PLAGL1: variants seen among roughly 807,000 people sequenced by gnomAD.
PLAGL1 encodes the protein PLAG1 like zinc finger 1.
A neutral mutation model predicts 4.6 loss-of-function variants in PLAGL1; 1 was observed. That is an observed-to-expected ratio of 0.22 (90% CI 0.08 to 1.03). The LOEUF is 1.03. Among genes scored for constraint, PLAGL1 ranks in the 50% least tolerant of loss-of-function variants. The probability of loss-of-function intolerance (pLI) is 0.58; values close to 1 mark genes in which losing one functional copy is unlikely to be tolerated. For missense variants in PLAGL1, 464 were observed against 570.4 expected, an observed-to-expected ratio of 0.81 and a Z score of 1.90; for synonymous variants, 240 against 237.8, an observed-to-expected ratio of 1.01 and a Z score of -0.08.
Position 143,966,642 on chromosome 6 carries a change from G to C in PLAGL1, c.-471-444C>G, listed in dbSNP as rs11968154. 6.6e-6 allele frequency: 1 copy of C among 152,090 alleles called. No homozygotes were observed. The highest frequency in any genetic ancestry group is 2.4e-5 in the African/African-American group (1 of 41,390). 9.4% of individuals were successfully genotyped at this position (152,090 alleles called of 1,614,324 possible). ...CTAATTCCTACTGCTGGAACAAAAAGGGAAAAATTACCTTGGTAAATGCCA... is the reference window on the plus strand; with the variant it reads ...CTAATTCCTACTGCTGGAACAAAAACGGAAAAATTACCTTGGTAAATGCCA... On this transcript the variant is annotated intron_variant, in intron 3 of 7. Transcript: ENST00000674357. This position sits in a 1 kb window ranked among gnomAD's most constrained non-coding sequence, Gnocchi z 6.0.
At chr6:143,974,821 T>G (rs988220185) in intron 2 of PLAGL1, among the ~76,000 whole-genome samples, 7 of 152,340 alleles carry the variant, frequency 4.6e-5, no homozygotes, top group African/African-American at 1.7e-4. Flanking sequence ...ATGATCACCC[T>G]GTAACTCAGT....
chr6:143,986,010 A>ATATATATATATATATATC (rs1789063610), intron 1 of PLAGL1, among the ~76,000 whole-genome samples: 1 of 133,466 alleles, frequency 7.5e-6, no homozygotes, highest in Non-Finnish European at 1.6e-5. Flanking sequence ...ATATATATAT[A>ATATATATATATATATATC]TCATTTAATC....
rs369728104 is a variant in PLAGL1, at chr6:143,978,614, T to C, written c.-544+6521A>G. On this transcript the variant is annotated intron_variant, in intron 2 of 7. Coordinates refer to ENST00000674357, the MANE Select transcript of PLAGL1 (RefSeq NM_001317162.2). This position sits in a 1 kb window ranked among gnomAD's most constrained non-coding sequence, Gnocchi z 4.6. The stretch of plus-strand genomic sequence containing the variant: ...CCCTGGGTTATTTGGAAGTGTGATG[T>C]TCAGTTACAAGATATTTTTCCAGAT... 4.6e-5 allele frequency among the ~76,000 whole-genome samples: 7 copies of C among 152,324 alleles called. No homozygotes were observed. In the East Asian group the frequency reaches 1.3e-3, roughly 29 times the overall value.
Position 143,979,966 on chromosome 6 carries a change from C to A in PLAGL1, c.-544+5169G>T, listed in dbSNP as rs1273758666. Among the ~76,000 whole-genome samples, 2 of 151,984 alleles carry A rather than the reference C, an allele frequency of 1.3e-5. No homozygotes were observed. The highest frequency in any genetic ancestry group is 4.8e-5 in the African/African-American group (2 of 41,398). ...CAAAGAAAGTGCTTGCATGTTTCAC[C>A]TTTTTTGAAAGATATTGTCACAACT... On this transcript the variant is annotated intron_variant, in intron 2 of 7. Coordinates refer to ENST00000674357, the MANE Select transcript of PLAGL1 (RefSeq NM_001317162.2). This position sits in a 1 kb window ranked among gnomAD's most constrained non-coding sequence, Gnocchi z 4.6.
chr6:144,027,261 A>T lies in PLAGL1; in HGVS notation c.-151+37207T>A, dbSNP rs1310117149. Among the ~76,000 whole-genome samples, 2 of 145,844 alleles carry T rather than the reference A, an allele frequency of 1.4e-5. No individual in the cohort carries two copies. Among genetic ancestry groups the T allele is most frequent in the African/African-American group, 5.1e-5 (2 of 39,524 alleles). On this transcript the variant is annotated intron_variant, in intron 1 of 3. Coordinates refer to the PLAGL1 transcript ENST00000437412. The surrounding 1 kb of genome is among the most constrained non-coding windows in gnomAD (Gnocchi z 5.8). ...AAAGAAAGAAAGAAAGAAAGAAAGA[A>T]AGAAAGAAAGAAAGAAAGAAAGAAA... is the stretch of plus-strand genomic sequence containing the variant.
rs956984699 is a variant in PLAGL1, at chr6:143,973,475, G to A, written c.-543-4497C>T. ...ATCCAAGGTCAGAGGGAGAAAACAAGCACGGGGGGAAGTCCTCTGCTTCTA... is the reference window on the plus strand; with the variant it reads ...ATCCAAGGTCAGAGGGAGAAAACAAACACGGGGGGAAGTCCTCTGCTTCTA... On this transcript the variant is annotated intron_variant, in intron 2 of 7. Transcript: ENST00000674357. The surrounding 1 kb of genome is among the most constrained non-coding windows in gnomAD (Gnocchi z 6.2). Among the ~76,000 whole-genome samples, 4 of 152,132 alleles carry A rather than the reference G, an allele frequency of 2.6e-5. No homozygotes were observed. The highest frequency in any genetic ancestry group is 1.3e-4 in the Admixed American group (2 of 15,274).
At chr6:144,010,987 C>G (rs1285899701), upstream of PLAGL1, among the ~76,000 whole-genome samples, 1 of 152,074 alleles carries the variant, frequency 6.6e-6, no homozygotes, top group African/African-American at 2.4e-5. This position sits in a 1 kb window ranked among gnomAD's most constrained non-coding sequence, Gnocchi z 4.1. Context: ...AACATCAGAC[C>G]TAAAACCATA....
At chr6:144,008,823 T>G (rs1365079423), upstream of PLAGL1, 1 of 152,222 alleles carries the variant, frequency 6.6e-6, no homozygotes, top group Non-Finnish European at 1.5e-5. This position sits in a 1 kb window ranked among gnomAD's most constrained non-coding sequence, Gnocchi z 6.9. Flanking sequence ...TGCAGGTAAA[T>G]ACGTGTAATC....
At position 143,947,375 on chromosome 6, in the gene PLAGL1, C is replaced by T. The variant is rs1442879137; in HGVS notation, c.152+610G>A. 6.6e-6 allele frequency among the ~76,000 whole-genome samples: 1 copy of T among 152,222 alleles called. No individual in the cohort carries two copies. Among genetic ancestry groups the T allele is most frequent in the Non-Finnish European group, 1.5e-5 (1 of 68,040 alleles). ...CACTTCTTCAAATTATTATCTGAGT[C>T]CTCTTTCTAGGATACTAAACGAATC... On this transcript the variant is annotated intron_variant, in intron 7 of 7. Transcript: ENST00000674357. This position sits in a 1 kb window ranked among gnomAD's most constrained non-coding sequence, Gnocchi z 4.3.
Position 144,016,562 on chromosome 6 carries a change from A to C in PLAGL1, c.-150-47584T>G, listed in dbSNP as rs1388722176. 2.0e-5 allele frequency among the ~76,000 whole-genome samples: 3 copies of C among 152,202 alleles called. No individual in the cohort carries two copies. The highest frequency in any genetic ancestry group is 7.2e-5 in the African/African-American group (3 of 41,444). ...GGTCCCATTCATAGGAAATTTTAGA[A>C]ACACAAAATTATAGTCTTTCTAAAG... On this transcript the variant is annotated intron_variant, in intron 1 of 3. Transcript: ENST00000437412. This position sits in a 1 kb window ranked among gnomAD's most constrained non-coding sequence, Gnocchi z 4.2.
At position 143,978,737 on chromosome 6, in the gene PLAGL1, C is replaced by G. The variant is rs192769357; in HGVS notation, c.-544+6398G>C. Among the ~76,000 whole-genome samples the G allele has an allele frequency of 6.6e-6, 1 of 152,276 alleles. No homozygotes were observed. Among genetic ancestry groups the G allele is most frequent in the Admixed American group, 6.5e-5 (1 of 15,296 alleles). On this transcript the variant is annotated intron_variant, in intron 2 of 7. Coordinates refer to ENST00000674357, the MANE Select transcript of PLAGL1 (RefSeq NM_001317162.2). This position sits in a 1 kb window ranked among gnomAD's most constrained non-coding sequence, Gnocchi z 4.6. ...CTTATTTTCCCACCCAGAATATGGT[C>G]TATCTTGAAAAATGTTCTGGCTATG...
At chr6:144,024,850 A>G (rs939204425) in intron 1 of PLAGL1, among the ~76,000 whole-genome samples, 5 of 152,242 alleles carry the variant, frequency 3.3e-5, no homozygotes, top group Non-Finnish European at 7.3e-5. Flanking sequence ...ATAAATATCC[A>G]TGTATATCAG....
In PLAGL1 at chr6:143,968,158, T is replaced by C. The variant is rs1179099031; in HGVS notation, c.-472+749A>G. ...GGAAAAACAACAAACATGTTAGATATGAAATTTAAGGCTGGGATTTGGAAT... is the reference window on the plus strand; with the variant it reads ...GGAAAAACAACAAACATGTTAGATACGAAATTTAAGGCTGGGATTTGGAAT... On this transcript the variant is annotated intron_variant, in intron 3 of 7. Coordinates refer to ENST00000674357, the MANE Select transcript of PLAGL1 (RefSeq NM_001317162.2). The surrounding 1 kb of genome is among the most constrained non-coding windows in gnomAD (Gnocchi z 6.3). The C allele has an allele frequency of 6.6e-6, 1 of 152,124 alleles. No homozygotes were observed. The highest frequency in any genetic ancestry group is 1.9e-4 in the East Asian group (1 of 5,194). 9.4% of individuals were successfully genotyped at this position (152,124 alleles called of 1,614,324 possible).
At chr6:143,976,793 T>C (rs1206064925) in intron 2 of PLAGL1, among the ~76,000 whole-genome samples, 1 of 152,182 alleles carries the variant, frequency 6.6e-6, no homozygotes, top group South Asian at 2.1e-4. Context: ...AAGAAACACA[T>C]TTTTTAATGA....
chr6:143,950,169 G>C lies in PLAGL1; in HGVS notation c.-324-1709C>G, dbSNP rs185107305. On this transcript the variant is annotated intron_variant, in intron 6 of 7. Coordinates refer to ENST00000674357, the MANE Select transcript of PLAGL1 (RefSeq NM_001317162.2). The surrounding 1 kb of genome is among the most constrained non-coding windows in gnomAD (Gnocchi z 6.3). The stretch of plus-strand genomic sequence containing the variant: ...TGGTCAGCGCTAATCCAAACCAGGG[G>C]ACACACAGGAGTCCTCGGCCAGCAC... 6.6e-6 allele frequency among the ~76,000 whole-genome samples: 1 copy of C among 152,242 alleles called. No homozygotes were observed. Among genetic ancestry groups the C allele is most frequent in the Admixed American group, 6.5e-5 (1 of 15,292 alleles).
rs1340087791 is a variant in PLAGL1, at chr6:144,053,402, G to A, written c.-151+11066C>T. Among the ~76,000 whole-genome samples the A allele has an allele frequency of 6.6e-6, 1 of 152,114 alleles. No homozygotes were observed. The highest frequency in any genetic ancestry group is 1.9e-4 in the East Asian group (1 of 5,184). ...AGCCACGATGGCCTCCCAAATTGCTGGTGTTACAGGCGTGAGCCACCACAC... is the reference window on the plus strand; with the variant it reads ...AGCCACGATGGCCTCCCAAATTGCTAGTGTTACAGGCGTGAGCCACCACAC... On this transcript the variant is annotated intron_variant, in intron 1 of 3. Coordinates refer to the PLAGL1 transcript ENST00000437412. The surrounding 1 kb of genome is among the most constrained non-coding windows in gnomAD (Gnocchi z 4.0).
rs1475547047 is a variant in PLAGL1, at chr6:144,034,868, A to G, written c.-151+29600T>C. Among the ~76,000 whole-genome samples the G allele has an allele frequency of 1.3e-5, 2 of 152,322 alleles. No individual in the cohort carries two copies. The highest frequency in any genetic ancestry group is 2.1e-4 in the South Asian group (1 of 4,828). On this transcript the variant is annotated intron_variant, in intron 1 of 3. Coordinates refer to the PLAGL1 transcript ENST00000437412. This position sits in a 1 kb window ranked among gnomAD's most constrained non-coding sequence, Gnocchi z 4.7. The stretch of plus-strand genomic sequence containing the variant: ...AGCTTTGTTTAACATCACTGAGTAG[A>G]CTAATACTCCTCCCAGAGCCTGATC...
chr6:143,972,171 A>G lies in PLAGL1; in HGVS notation c.-543-3193T>C, dbSNP rs1208624619. 6.6e-6 allele frequency among the ~76,000 whole-genome samples: 1 copy of G among 152,274 alleles called. No homozygotes were observed. Among genetic ancestry groups the G allele is most frequent in the East Asian group, 1.9e-4 (1 of 5,204 alleles). On this transcript the variant is annotated intron_variant, in intron 2 of 7. Transcript: ENST00000674357. The surrounding 1 kb of genome is among the most constrained non-coding windows in gnomAD (Gnocchi z 6.8). ...CTTTCAAAGGAATGTAGACAGAGCC[A>G]TCAATCCCCATTCATTCAGCTCGCA...
At chr6:144,049,720 A>G (rs139951415) in intron 1 of PLAGL1, among the ~76,000 whole-genome samples, 1 of 152,358 alleles carries the variant, frequency 6.6e-6, no homozygotes, top group East Asian at 1.9e-4. Flanking sequence ...TATGGGGATT[A>G]CAATTTCAAG....
Sources: gnomAD v4.1 joint callset for allele counts (sites outside exome capture counted in the v4.1 genomes callset) on GRCh38, gnomAD v4.1.1 for gene constraint, Gnocchi (gnomAD v3.1) non-coding constraint, MANE v1.5 for transcripts, NCBI Gene and HGNC (gene_info 2026-07-23, HGNC 2026-07-21) for gene names.